The following VSTM5 variants were observed in gnomAD, a reference collection of about 807,000 sequenced individuals.
VSTM5 encodes the protein V-set and transmembrane domain containing 5.
A neutral mutation model predicts 20.3 loss-of-function variants in VSTM5; 21 were observed. The ratio of observed to expected loss-of-function variants is 1.03; its 90% CI spans 0.73 to 1.49. The LOEUF (loss-of-function observed/expected upper bound fraction) is 1.49. VSTM5 is among the 40% of genes most tolerant of loss of function. VSTM5 has a pLI of 0.00. For synonymous variants in VSTM5, 100 were observed against 102.5 expected, an observed-to-expected ratio of 0.98 and a Z score of 0.14; for missense variants, 219 against 250.0, an observed-to-expected ratio of 0.88 and a Z score of 0.84.
chr11:93,843,361 C>T (rs1225389369), intron 1 of VSTM5, among the ~76,000 whole-genome samples: 5 of 152,042 alleles, frequency 3.3e-5, no homozygotes, highest in African/African-American at 4.8e-5. Flanking sequence ...CTCGATCTGC[C>T]GTCAGCTATG....
At chr11:93,825,771 T>C (rs1944228515) in intron 1 of VSTM5, among the ~76,000 whole-genome samples, 1 of 151,750 alleles carries the variant, frequency 6.6e-6, no homozygotes, top group Admixed American at 6.6e-5. Context: ...TTTTTTCTTT[T>C]TTTGTTGTTG....
intron 1 of VSTM5, among the ~76,000 whole-genome samples, chr11:93,848,080 G>A (rs1323686768): frequency 1.3e-5 from 2 of 152,238 alleles, no homozygotes; most frequent in East Asian, 1.9e-4. Context: ...TGGAGGTTAG[G>A]GCTTGAATAT....
chr11:93,821,711 T>C (rs996618171), intron 1 of VSTM5: 12 of 204,662 alleles, frequency 5.9e-5, no homozygotes, highest in South Asian at 9.9e-5. Flanking sequence ...GTGTGTGACA[T>C]AGTTATTCTT....
chr11:93,837,650 C>T (rs1017910035), intron 1 of VSTM5, among the ~76,000 whole-genome samples: 6 of 152,014 alleles, frequency 3.9e-5, no homozygotes, highest in African/African-American at 9.7e-5. Flanking sequence ...CCTCACAGAT[C>T]GGATATGTTA....
At chr11:93,846,910 G>A (rs1275581603) in intron 1 of VSTM5, among the ~76,000 whole-genome samples, 1 of 151,814 alleles carries the variant, frequency 6.6e-6, no homozygotes, top group Non-Finnish European at 1.5e-5. Flanking sequence ...GAGACTACAG[G>A]CGCCTGCCAC....
At position 93,848,267 on chromosome 11, in the gene VSTM5, C is replaced by T. The variant is rs1367722570; in HGVS notation, c.91+2145G>A. Among the ~76,000 whole-genome samples the T allele has an allele frequency of 3.3e-5, 5 of 152,186 alleles. No individual in the cohort carries two copies. The East Asian group carries it at 5.8e-4, about 18-fold the overall frequency. On this transcript the variant is annotated intron_variant, in intron 1 of 3. Transcript: ENST00000409977. ...GAACTGGTAGGAAGGAGGAGGCCTA[C>T]TCTTCATCATTATGACTGGCTCCAA...
intron 1 of VSTM5, among the ~76,000 whole-genome samples, chr11:93,846,076 G>A (rs1183030162): frequency 6.6e-6 from 1 of 152,210 alleles, no homozygotes; most frequent in Non-Finnish European, 1.5e-5. Context: ...TCAAACTCCT[G>A]AGCTCAAGTG....
At chr11:93,845,282 C>G (rs1388826804) in intron 1 of VSTM5, among the ~76,000 whole-genome samples, 1 of 152,212 alleles carries the variant, frequency 6.6e-6, no homozygotes, top group South Asian at 2.1e-4. Flanking sequence ...ATGGGGCTTA[C>G]ATACACCACT....
intron 1 of VSTM5, among the ~76,000 whole-genome samples, chr11:93,836,679 CA>C (rs538819493): frequency 2.0e-5 from 3 of 152,198 alleles, no homozygotes; most frequent in Non-Finnish European, 4.4e-5. Flanking sequence ...AGCACTTTTC[CA>C]TCATAGTAAC....
intron 1 of VSTM5, among the ~76,000 whole-genome samples, chr11:93,842,497 G>A (rs1262405127): frequency 6.6e-6 from 1 of 152,234 alleles, no homozygotes; most frequent in African/African-American, 2.4e-5. Context: ...CACAGGGTAT[G>A]TAAAAGCCAC....
chr11:93,826,562 T>C (rs1046659832), intron 1 of VSTM5, among the ~76,000 whole-genome samples: 19 of 152,048 alleles, frequency 1.2e-4, no homozygotes, highest in African/African-American at 4.1e-4. Context: ...AACACCTGGC[T>C]AATTTTTTTT....
Position 93,828,980 on chromosome 11 carries a change from C to T in VSTM5, c.92-7657G>A, listed in dbSNP as rs567551645. ...CCTAGCTGGGAGATCTGGAAAAGTC[C>T]TTAATTATGAGAGCCTCAGCTCTCC... On this transcript the variant is annotated intron_variant, in intron 1 of 3. Coordinates refer to ENST00000409977, the MANE Select transcript of VSTM5 (RefSeq NM_001144871.2). Among the ~76,000 whole-genome samples, 3 of 152,260 alleles carry T rather than the reference C, an allele frequency of 2.0e-5. No individual in the cohort carries two copies. The East Asian group carries it at 5.8e-4, about 29-fold the overall frequency.
chr11:93,842,377 C>T (rs954783593), intron 1 of VSTM5, among the ~76,000 whole-genome samples: 6 of 152,160 alleles, frequency 3.9e-5, no homozygotes, highest in East Asian at 1.9e-4. Flanking sequence ...CAAGACTGGG[C>T]GACCTGAAAT....
chr11:93,833,354 G>A (rs997335595), intron 1 of VSTM5, among the ~76,000 whole-genome samples: 44 of 152,218 alleles, frequency 2.9e-4, no homozygotes, highest in East Asian at 1.5e-3. Flanking sequence ...TGAGGCAGGC[G>A]GATCGCCTGA....
intron 1 of VSTM5, among the ~76,000 whole-genome samples, chr11:93,840,519 G>C (rs1944362231): frequency 6.6e-6 from 1 of 152,218 alleles, no homozygotes; most frequent in South Asian, 2.1e-4. Flanking sequence ...GGAGACACTA[G>C]GGACAGCTCT....
chr11:93,846,794 G>A (rs1944415435), intron 1 of VSTM5, among the ~76,000 whole-genome samples: 1 of 141,880 alleles, frequency 7.0e-6, no homozygotes, highest in Non-Finnish European at 1.5e-5. Context: ...TTGAGATGGA[G>A]TCTCACTCTG....
chr11:93,827,243 C>A (rs1478662200), intron 1 of VSTM5, among the ~76,000 whole-genome samples: 1 of 152,120 alleles, frequency 6.6e-6, no homozygotes, highest in Non-Finnish European at 1.5e-5. Context: ...ATTAGCCAGG[C>A]ATGGTGGCAC....
intron 1 of VSTM5, among the ~76,000 whole-genome samples, chr11:93,846,917 C>G (rs1291880561): frequency 1.3e-5 from 2 of 151,892 alleles, no homozygotes; most frequent in Non-Finnish European, 2.9e-5. Flanking sequence ...CAGGCGCCTG[C>G]CACCACGCCC....
intron 1 of VSTM5, among the ~76,000 whole-genome samples, chr11:93,835,004 A>G (rs530513440): frequency 1.3e-5 from 2 of 152,222 alleles, no homozygotes; most frequent in East Asian, 1.9e-4. Context: ...TTGGCTCTCA[A>G]TGAGCCTCCT....
Sources: allele counts gnomAD v4.1 joint callset (sites outside exome capture counted in the v4.1 genomes callset), GRCh38; gene constraint gnomAD v4.1.1; transcripts MANE v1.5; gene names NCBI Gene and HGNC (gene_info 2026-07-23, HGNC 2026-07-21).